CDH20: variants seen among roughly 807,000 people sequenced by gnomAD.
The protein encoded by CDH20 is cadherin-20.
In CDH20, 29 loss-of-function variants were observed where a neutral mutation model predicts 74.2. That is an observed-to-expected ratio of 0.39 (90% CI 0.29 to 0.53). The LOEUF (loss-of-function observed/expected upper bound fraction) is 0.53. Among genes scored for constraint, CDH20 ranks in the 20% least tolerant of loss-of-function variants. CDH20 has a pLI of 0.69. For synonymous variants in CDH20, 469 were observed against 405.4 expected, an observed-to-expected ratio of 1.16 and a Z score of -1.88; for missense variants, 988 against 1,048.3, an observed-to-expected ratio of 0.94 and a Z score of 0.79.
chr18:61,361,616 C>T (rs1017888516), intron 1 of CDH20, among the ~76,000 whole-genome samples: 4 of 152,128 alleles, frequency 2.6e-5, no homozygotes, highest in African/African-American at 9.7e-5. Flanking sequence ...CACCTAAGTG[C>T]CAACCAGTGC....
intron 1 of CDH20, among the ~76,000 whole-genome samples, chr18:61,405,628 C>A (rs1347869760): frequency 6.6e-6 from 1 of 152,064 alleles, no homozygotes; most frequent in Non-Finnish European, 1.5e-5. Flanking sequence ...CTATTATAAA[C>A]AAATTCCATC....
chr18:61,350,813 C>G (rs1910279061), intron 1 of CDH20, among the ~76,000 whole-genome samples: 1 of 152,150 alleles, frequency 6.6e-6, no homozygotes, highest in Admixed American at 6.6e-5. Context: ...AATCTTTCCT[C>G]AAAGTCACCA....
chr18:61,387,887 T>C (rs1911654313), intron 1 of CDH20, among the ~76,000 whole-genome samples: 1 of 152,140 alleles, frequency 6.6e-6, no homozygotes, highest in South Asian at 2.1e-4. Flanking sequence ...ATAAGTGAAA[T>C]GATTCTTTTT....
chr18:61,391,674 A>G (rs1599054217), intron 1 of CDH20: 1 of 152,316 alleles, frequency 6.6e-6, no homozygotes, highest in East Asian at 1.9e-4. Context: ...CAAAGATGAC[A>G]CGCAAATTCG....
At chr18:61,444,944 G>A (rs928965923) in intron 1 of CDH20, among the ~76,000 whole-genome samples, 1 of 152,034 alleles carries the variant, frequency 6.6e-6, no homozygotes, top group Non-Finnish European at 1.5e-5. Context: ...GAAGAAAGGG[G>A]TTGCTCTAAA....
In CDH20 at chr18:61,555,466, T is replaced by C. The variant is rs1274885713; in HGVS notation, c.*771T>C. On this transcript the variant is annotated 3_prime_UTR_variant, in exon 12 of 12. Transcript: ENST00000262717. Reference sequence around the variant, plus strand: ...ATGAAACCAGAAAAATCTGCCTCTTTTGCACTGTAGATGTCTCTTCCATGT... The same window carrying C: ...ATGAAACCAGAAAAATCTGCCTCTTCTGCACTGTAGATGTCTCTTCCATGT... 10 of 985,400 alleles carry C rather than the reference T, an allele frequency of 1.0e-5. No individual in the cohort carries two copies. Among genetic ancestry groups the C allele is most frequent in the Non-Finnish European group, 1.2e-5 (10 of 829,920 alleles). The allele number at this position is 985,400 out of a possible 1,614,324, so 61.0% of individuals were successfully genotyped here.
intron 1 of CDH20, among the ~76,000 whole-genome samples, chr18:61,411,580 GTATATATATATATATA>G (rs145701176): frequency 0.2 from 30,516 of 149,858 alleles, 3,357 homozygotes; most frequent in Middle Eastern, 0.31. Flanking sequence ...GTGTGTGTGT[GTATATATATATATATA>G]TATATATATA....
chr18:61,453,525 T>C (rs1321114229), intron 1 of CDH20, among the ~76,000 whole-genome samples: 2 of 152,212 alleles, frequency 1.3e-5, no homozygotes, highest in Non-Finnish European at 2.9e-5. Flanking sequence ...GTGATCCGCC[T>C]GCCTCAGCCT....
At chr18:61,512,898 T>C (rs1911837901) in intron 6 of CDH20, among the ~76,000 whole-genome samples, 1 of 152,194 alleles carries the variant, frequency 6.6e-6, no homozygotes, top group South Asian at 2.1e-4. Context: ...TCTTTTACAT[T>C]TGCTGAGGAG....
chr18:61,396,837 C>T (rs940086362), intron 1 of CDH20, among the ~76,000 whole-genome samples: 2 of 152,190 alleles, frequency 1.3e-5, no homozygotes, highest in Non-Finnish European at 2.9e-5. Flanking sequence ...ACCTAACATC[C>T]TGGGGCCAGG....
rs890573306 is a variant in CDH20, at chr18:61,480,494, C to T, written c.-152-9908C>T. On this transcript the variant is annotated intron_variant, in intron 1 of 11. Coordinates refer to ENST00000262717, the MANE Select transcript of CDH20 (RefSeq NM_031891.4). The stretch of plus-strand genomic sequence containing the variant: ...TTCTGTCCAGAAAGGTGGGACAACT[C>T]GAAGCAGGGACAGGACTTCCAGGTC... 2.6e-5 allele frequency among the ~76,000 whole-genome samples: 4 copies of T among 152,216 alleles called. No individual in the cohort carries two copies. In the East Asian group the frequency reaches 5.8e-4, roughly 22 times the overall value.
intron 1 of CDH20, among the ~76,000 whole-genome samples, chr18:61,355,593 T>A (rs1381316489): frequency 1.3e-5 from 2 of 152,244 alleles, no homozygotes; most frequent in Non-Finnish European, 2.9e-5. Flanking sequence ...TTGCCATTCA[T>A]CTATGGCTAG....
intron 1 of CDH20, among the ~76,000 whole-genome samples, chr18:61,424,141 T>C (rs1912986089): frequency 6.6e-6 from 1 of 152,256 alleles, no homozygotes; most frequent in Non-Finnish European, 1.5e-5. Context: ...TTTTGATACA[T>C]GCATATGATG....
chr18:61,373,702 C>A (rs1319526504), intron 1 of CDH20, among the ~76,000 whole-genome samples: 4 of 152,112 alleles, frequency 2.6e-5, no homozygotes, highest in Non-Finnish European at 1.5e-5. Flanking sequence ...CTGCCCAAAA[C>A]CACTCATTTC....
chr18:61,387,238 A>G (rs1050123473), intron 1 of CDH20, among the ~76,000 whole-genome samples: 3 of 152,240 alleles, frequency 2.0e-5, no homozygotes, highest in African/African-American at 7.2e-5. Context: ...CACGCCTCTC[A>G]GACTGCAGCT....
At chr18:61,411,221 C>A in intron 1 of CDH20, among the ~76,000 whole-genome samples, 1 of 150,540 alleles carries the variant, frequency 6.6e-6, no homozygotes, top group South Asian at 2.1e-4. Flanking sequence ...ATGTATATGG[C>A]AAGAATGGCC....
intron 1 of CDH20, among the ~76,000 whole-genome samples, chr18:61,426,898 C>G (rs1009029637): frequency 6.6e-6 from 1 of 152,074 alleles, no homozygotes; most frequent in Non-Finnish European, 1.5e-5. Flanking sequence ...AATTAGAGCC[C>G]TGAACGAGGG....
chr18:61,500,833 C>T (rs76439736), intron 4 of CDH20, among the ~76,000 whole-genome samples: 4,046 of 152,250 alleles, frequency 0.027, 152 homozygotes, highest in East Asian at 0.12. Context: ...CATGAAGACC[C>T]AACAGGATTG....
chr18:61,355,771 C>T (rs1251233378), intron 1 of CDH20, among the ~76,000 whole-genome samples: 1 of 152,130 alleles, frequency 6.6e-6, no homozygotes, highest in East Asian at 1.9e-4. Context: ...ATGTGGAATT[C>T]TGTTTTCATG....
Sources: allele counts gnomAD v4.1 joint callset (sites outside exome capture counted in the v4.1 genomes callset), GRCh38; gene constraint gnomAD v4.1.1; transcripts MANE v1.5; gene names NCBI Gene and HGNC (gene_info 2026-07-23, HGNC 2026-07-21).